Variants in HPSE2 observed in about 807,000 individuals in gnomAD.
The protein encoded by HPSE2 is inactive heparanase-2.
A neutral mutation model predicts 60.5 loss-of-function variants in HPSE2; 38 were observed. The observed-to-expected ratio is 0.63, with a 90% CI of 0.48 to 0.82. The LOEUF (loss-of-function observed/expected upper bound fraction) is 0.82, where lower values mean the gene tolerates loss of function less well. Ranked by LOEUF, HPSE2 falls within the 40% of genes least tolerant of loss-of-function variation. The probability of loss-of-function intolerance (pLI) is 0.00; values close to 1 mark genes in which losing one functional copy is unlikely to be tolerated. For missense variants in HPSE2, 713 were observed against 740.4 expected, an observed-to-expected ratio of 0.96 and a Z score of 0.43; for synonymous variants, 295 against 293.2, an observed-to-expected ratio of 1.01 and a Z score of -0.06.
intron 2 of HPSE2, among the ~76,000 whole-genome samples, chr10:99,213,866 C>T (rs1849030537): frequency 6.6e-6 from 1 of 151,842 alleles, no homozygotes; most frequent in African/African-American, 2.4e-5. Context: ...GAGATAATTA[C>T]CAAATTAAAA....
rs73335715 is a variant in HPSE2, at chr10:98,470,419, A to T, written c.1614-10680T>A. ...TGCTGGTGTTTGGCAGTGGGTCCAC[A>T]GTTTAATGCTCCAGGCCCCTTGTCT... On this transcript the variant is annotated intron_variant, in intron 11 of 11. Transcript: ENST00000370552. Among the ~76,000 whole-genome samples the T allele has an allele frequency of 2.2e-3, 328 of 152,284 alleles. 1 individual carries two copies. The highest frequency in any genetic ancestry group is 7.6e-3 in the African/African-American group (317 of 41,564).
In HPSE2 at chr10:98,803,462, G is replaced by A. The variant is rs370482893; in HGVS notation, c.611-59406C>T. Among the ~76,000 whole-genome samples, 12 of 151,298 alleles carry A rather than the reference G, an allele frequency of 7.9e-5. No homozygotes were observed. In the South Asian group the frequency reaches 1.7e-3, roughly 21 times the overall value. ...GGGTTTTTATGGTTTTAGGTCTAACGTTTAAGTCTTTAATCCATCTTGAAT... is the reference window on the plus strand; with the variant it reads ...GGGTTTTTATGGTTTTAGGTCTAACATTTAAGTCTTTAATCCATCTTGAAT... On this transcript the variant is annotated intron_variant, in intron 3 of 11. Coordinates refer to ENST00000370552, the MANE Select transcript of HPSE2 (RefSeq NM_021828.5).
At chr10:98,497,081 G>T (rs2485026) in intron 9 of HPSE2, among the ~76,000 whole-genome samples, 13,096 of 151,734 alleles carry the variant, frequency 0.086, 1,800 homozygotes, top group African/African-American at 0.29. Context: ...TATTAAGTTT[G>T]CTATTTTTTA....
chr10:99,263,968 T>G, the HPSE2 span, among the ~76,000 whole-genome samples: 1 of 152,164 alleles, frequency 6.6e-6, no homozygotes, highest in Non-Finnish European at 1.5e-5. Context: ...TATTCTTTAC[T>G]TTTATACTCA....
intron 5 of HPSE2, among the ~76,000 whole-genome samples, chr10:98,703,563 T>C (rs1306156123): frequency 6.6e-6 from 1 of 152,038 alleles, no homozygotes; most frequent in African/African-American, 2.4e-5. Context: ...ATCAAGAAAC[T>C]TATCCACCGT....
intron 11 of HPSE2, among the ~76,000 whole-genome samples, 199 bp from the exon 12 acceptor site, chr10:98,459,938 C>T (rs1940213546): frequency 6.6e-6 from 1 of 152,118 alleles, no homozygotes; most frequent in African/African-American, 2.4e-5. Flanking sequence ...CCCCCCACTC[C>T]CCTGAGGTAA....
chr10:99,085,990 A>G (rs1843302680), intron 3 of HPSE2, among the ~76,000 whole-genome samples: 1 of 152,210 alleles, frequency 6.6e-6, no homozygotes, highest in African/African-American at 2.4e-5. Context: ...TCAAAATCAT[A>G]TTCATTTCCA....
Position 99,126,558 on chromosome 10 carries a change from T to C in HPSE2, c.610+17680A>G, listed in dbSNP as rs1245567075. Among the ~76,000 whole-genome samples, 1 of 151,914 alleles carries C rather than the reference T, an allele frequency of 6.6e-6. No homozygotes were observed. Among genetic ancestry groups the C allele is most frequent in the African/African-American group, 2.4e-5 (1 of 41,342 alleles). On this transcript the variant is annotated intron_variant, in intron 3 of 11. Coordinates refer to ENST00000370552, the MANE Select transcript of HPSE2 (RefSeq NM_021828.5). This position sits in a 1 kb window ranked among gnomAD's most constrained non-coding sequence, Gnocchi z 4.0. Reference sequence around the variant, plus strand: ...AACCAACTCAGGCCATTACAACAACTCATGACAGAATAACCCTGCTCCCCC... The same window carrying C: ...AACCAACTCAGGCCATTACAACAACCCATGACAGAATAACCCTGCTCCCCC...
At chr10:99,307,040 C>T in the HPSE2 span, among the ~76,000 whole-genome samples, 1 of 152,144 alleles carries the variant, frequency 6.6e-6, no homozygotes, top group Non-Finnish European at 1.5e-5. Flanking sequence ...TGCTAACTGG[C>T]TTTGCTGATT....
At chr10:98,562,742 T>C (rs1001432507) in intron 9 of HPSE2, among the ~76,000 whole-genome samples, 1 of 150,656 alleles carries the variant, frequency 6.6e-6, no homozygotes, top group African/African-American at 2.4e-5. Context: ...AAAAATCTGC[T>C]GGTCTACTCT....
At chr10:98,817,719 A>C (rs1389460292) in intron 3 of HPSE2, among the ~76,000 whole-genome samples, 3 of 152,140 alleles carry the variant, frequency 2.0e-5, no homozygotes, top group Non-Finnish European at 4.4e-5. Flanking sequence ...CGTTTCTGTT[A>C]AAACTGTTCA....
intron 2 of HPSE2, among the ~76,000 whole-genome samples, chr10:99,187,526 T>C (rs970345029): frequency 2.6e-5 from 4 of 152,124 alleles, no homozygotes; most frequent in Non-Finnish European, 5.9e-5. Flanking sequence ...ATTCTGAATA[T>C]ATAAAAACAC....
intron 2 of HPSE2, among the ~76,000 whole-genome samples, chr10:99,168,262 T>A (rs1190122603): frequency 6.6e-6 from 1 of 152,188 alleles, no homozygotes; most frequent in Non-Finnish European, 1.5e-5. Context: ...TTTTATAATT[T>A]CCTCTATTAA....
At chr10:99,207,168 A>C (rs1014921678) in intron 2 of HPSE2, among the ~76,000 whole-genome samples, 2 of 152,172 alleles carry the variant, frequency 1.3e-5, no homozygotes, top group African/African-American at 4.8e-5. Context: ...AAAGTAGCAA[A>C]TGACATATAA....
At chr10:99,125,369 G>A (rs1009426644) in intron 3 of HPSE2, among the ~76,000 whole-genome samples, 1 of 152,188 alleles carries the variant, frequency 6.6e-6, no homozygotes, top group African/African-American at 2.4e-5. Flanking sequence ...TTATGGCATG[G>A]GAGAGGCCAC....
At position 99,115,155 on chromosome 10, in the gene HPSE2, G is replaced by GTT. The variant is rs577271484; in HGVS notation, c.610+29081_610+29082dup. 9.6e-3 allele frequency among the ~76,000 whole-genome samples: 1,251 copies of GTT among 130,642 alleles called. 18 individuals are homozygous for GTT. Among genetic ancestry groups the GTT allele is most frequent in the African/African-American group, 0.02 (708 of 34,816 alleles). The allele number at this position is 130,642 out of a possible 152,430, so 85.7% of individuals were successfully genotyped here. A position where few individuals can be genotyped will look rare whatever the true frequency, so the allele number is the denominator to read the frequency against. On this transcript the variant is annotated intron_variant, in intron 3 of 11. Coordinates refer to ENST00000370552, the MANE Select transcript of HPSE2 (RefSeq NM_021828.5). ...TGCACCACCTCGCCCAGCTAAATGT[G>GTT]TTTTTTTTTTTTTTTGAGACGGAGT...
intron 3 of HPSE2, among the ~76,000 whole-genome samples, chr10:98,842,772 A>G (rs1951946677): frequency 6.6e-6 from 1 of 152,106 alleles, no homozygotes; most frequent in Admixed American, 6.5e-5. Flanking sequence ...AGTTTGGAAA[A>G]CTGTATAATG....
At chr10:99,239,555 A>G (rs1039834427), upstream of HPSE2, among the ~76,000 whole-genome samples, 1 of 147,544 alleles carries the variant, frequency 6.8e-6, no homozygotes, top group Admixed American at 7.0e-5. Context: ...TCAGCCTCCC[A>G]AGTAGCTGGG....
intron 3 of HPSE2, among the ~76,000 whole-genome samples, chr10:99,098,570 T>C (rs1444269736): frequency 6.6e-6 from 1 of 152,242 alleles, no homozygotes; most frequent in African/African-American, 2.4e-5. Context: ...CTTTTATTCT[T>C]AACTCCATCT....
Sources: gnomAD v4.1 joint callset for allele counts (sites outside exome capture counted in the v4.1 genomes callset) on GRCh38, gnomAD v4.1.1 for gene constraint, Gnocchi (gnomAD v3.1) non-coding constraint, MANE v1.5 for transcripts, NCBI Gene and HGNC (gene_info 2026-07-23, HGNC 2026-07-21) for gene names.